The following CDKAL1 variants were observed in gnomAD, a reference collection of about 807,000 sequenced individuals.
CDKAL1 encodes CDKAL1 threonylcarbamoyladenosine tRNA methylthiotransferase.
Under a neutral mutation model 68.2 loss-of-function variants are expected in CDKAL1, and 32 were observed. The observed-to-expected ratio is 0.47, with a 90% CI of 0.35 to 0.63. The LOEUF is 0.63. CDKAL1 is among the 30% of genes least tolerant of loss of function. The probability of loss-of-function intolerance (pLI) is 0.00; values close to 1 mark genes in which losing one functional copy is unlikely to be tolerated. For missense variants in CDKAL1, 606 were observed against 696.7 expected, an observed-to-expected ratio of 0.87 and a Z score of 1.47; for synonymous variants, 234 against 244.3, an observed-to-expected ratio of 0.96 and a Z score of 0.39.
At chr6:21,064,675 G>C (rs553670878) in intron 11 of CDKAL1, among the ~76,000 whole-genome samples, 1 of 152,282 alleles carries the variant, frequency 6.6e-6, no homozygotes, top group South Asian at 2.1e-4. Flanking sequence ...GTTGTTCATT[G>C]ATTTCTTTGG....
intron 15 of CDKAL1, among the ~76,000 whole-genome samples, chr6:21,219,140 T>C (rs1414400622): frequency 1.3e-5 from 2 of 152,214 alleles, no homozygotes; most frequent in Admixed American, 1.3e-4. Flanking sequence ...TTCAGTTTAG[T>C]GTAATTATAG....
At chr6:21,134,155 G>A (rs1775464757) in intron 13 of CDKAL1, among the ~76,000 whole-genome samples, 2 of 152,084 alleles carry the variant, frequency 1.3e-5, no homozygotes, top group South Asian at 4.2e-4. Context: ...AAAAAGAGGG[G>A]CCAGCAGAGG....
At chr6:20,548,346 A>T (rs1253970357) in intron 3 of CDKAL1, among the ~76,000 whole-genome samples, 2 of 152,102 alleles carry the variant, frequency 1.3e-5, no homozygotes, top group Non-Finnish European at 2.9e-5. Flanking sequence ...CAGCCTGGAC[A>T]GTATAGTGGG....
At chr6:20,688,990 C>G (rs1170062707) in intron 5 of CDKAL1, among the ~76,000 whole-genome samples, 6 of 152,190 alleles carry the variant, frequency 3.9e-5, no homozygotes, top group Non-Finnish European at 7.3e-5. Flanking sequence ...AGTCCTCTCC[C>G]CTTCAGGAGG....
intron 10 of CDKAL1, among the ~76,000 whole-genome samples, chr6:20,980,277 G>A (rs547683947): frequency 2.0e-5 from 3 of 151,616 alleles, no homozygotes; most frequent in Non-Finnish European, 4.4e-5. Flanking sequence ...TCGTTCTGTC[G>A]CCCAGGCTGG....
rs1234063146 is a variant in CDKAL1 at position 20,909,180 on chromosome 6, CATGTATGTGTGTGT to C, written c.743-46238_743-46225del. Among the ~76,000 whole-genome samples the C allele has an allele frequency of 2.1e-4, 21 of 99,838 alleles. 1 individual carries two copies. The South Asian group carries it at 3.2e-3, about 15-fold the overall frequency. The allele number at this position is 99,838 out of a possible 152,430, so 65.5% of individuals were successfully genotyped here. ...ATGTATATGTATCTATATATGTGTGCATGTATGTGTGTGTGTGTGTGTGTGTGTGTGTGTGTGTA... is the reference window on the plus strand; with the variant it reads ...ATGTATATGTATCTATATATGTGTGCGTGTGTGTGTGTGTGTGTGTGTGTA... On this transcript the variant is annotated intron_variant, in intron 9 of 15. Transcript: ENST00000274695.
At chr6:20,681,921 A>T (rs1770394970) in intron 5 of CDKAL1, among the ~76,000 whole-genome samples, 1 of 152,216 alleles carries the variant, frequency 6.6e-6, no homozygotes, top group Non-Finnish European at 1.5e-5. Context: ...AATTCCAAGA[A>T]TAAGACGCCA....
intron 5 of CDKAL1, among the ~76,000 whole-genome samples, chr6:20,696,598 T>C (rs1771117986): frequency 1.3e-5 from 2 of 152,240 alleles, no homozygotes; most frequent in Non-Finnish European, 1.5e-5. Flanking sequence ...TGTTTGTATT[T>C]TTAATAGCTT....
chr6:20,895,181 A>G (rs1433227603), intron 9 of CDKAL1, among the ~76,000 whole-genome samples: 2 of 152,166 alleles, frequency 1.3e-5, no homozygotes, highest in Admixed American at 6.5e-5. Flanking sequence ...GGACCTATCC[A>G]TATTTGTCCA....
intron 6 of CDKAL1, among the ~76,000 whole-genome samples, chr6:20,746,080 C>T (rs1773653853): frequency 6.6e-6 from 1 of 152,082 alleles, no homozygotes; most frequent in Non-Finnish European, 1.5e-5. Context: ...CCTCCTTTAC[C>T]CCTCCCCGCT....
intron 8 of CDKAL1, among the ~76,000 whole-genome samples, chr6:20,821,074 G>A (rs902235139): frequency 6.6e-6 from 1 of 151,964 alleles, no homozygotes; most frequent in African/African-American, 2.4e-5. Context: ...GCCTTGGGGT[G>A]GAAAAGCAAA....
chr6:20,932,767 G>A (rs1763524698), intron 9 of CDKAL1, among the ~76,000 whole-genome samples: 2 of 152,018 alleles, frequency 1.3e-5, no homozygotes, highest in Non-Finnish European at 2.9e-5. Context: ...TGAGGGAGAG[G>A]ATATTATCTA....
intron 4 of CDKAL1, among the ~76,000 whole-genome samples, chr6:20,633,440 A>G (rs989472892): frequency 1.3e-5 from 2 of 152,168 alleles, no homozygotes; most frequent in Non-Finnish European, 2.9e-5. Context: ...TTATCACTTG[A>G]TGGACATTGG....
At chr6:20,946,135 T>G (rs530093448) in intron 9 of CDKAL1, among the ~76,000 whole-genome samples, 24 of 152,324 alleles carry the variant, frequency 1.6e-4, no homozygotes, top group African/African-American at 5.8e-4. Context: ...TCATCTTTGC[T>G]CTCTCAGCCC....
chr6:20,881,922 C>G (rs1449247613), intron 9 of CDKAL1, among the ~76,000 whole-genome samples: 1 of 152,134 alleles, frequency 6.6e-6, no homozygotes, highest in Non-Finnish European at 1.5e-5. Context: ...CTCCTTTTCC[C>G]TTTCTAGTCA....
intron 5 of CDKAL1, among the ~76,000 whole-genome samples, chr6:20,731,135 A>G (rs1423949907): frequency 6.6e-6 from 1 of 152,200 alleles, no homozygotes; most frequent in East Asian, 1.9e-4. Flanking sequence ...TAAGGGAAGG[A>G]ACGCAGAAGG....
intron 7 of CDKAL1, among the ~76,000 whole-genome samples, chr6:20,763,226 A>G (rs982031428): frequency 1.8e-4 from 28 of 152,016 alleles, no homozygotes; most frequent in African/African-American, 6.5e-4. Context: ...CTCCCTGCCT[A>G]TTTTGGGTTG....
At chr6:20,615,960 A>C (rs1207398426) in intron 4 of CDKAL1, among the ~76,000 whole-genome samples, 1 of 150,348 alleles carries the variant, frequency 6.7e-6, no homozygotes, top group Non-Finnish European at 1.5e-5. Context: ...TTTTTGTATA[A>C]GGTGTAAAGA....
chr6:21,221,929 C>T (rs1198302995), intron 15 of CDKAL1, among the ~76,000 whole-genome samples: 1 of 152,190 alleles, frequency 6.6e-6, no homozygotes, highest in African/African-American at 2.4e-5. Context: ...ATACGATTAT[C>T]TCTGTCTTTC....
Sources: allele counts gnomAD v4.1 joint callset (sites outside exome capture counted in the v4.1 genomes callset), GRCh38; gene constraint gnomAD v4.1.1; transcripts MANE v1.5; gene names NCBI Gene and HGNC (gene_info 2026-07-23, HGNC 2026-07-21).